Variants in ARHGAP17 observed in about 807,000 individuals in gnomAD.
ARHGAP17 encodes rho GTPase-activating protein 17.
Under a neutral mutation model 99.5 loss-of-function variants are expected in ARHGAP17, and 57 were observed. That is an observed-to-expected ratio of 0.57 (90% CI 0.46 to 0.71). The LOEUF (loss-of-function observed/expected upper bound fraction) is 0.71, where lower values mean the gene tolerates loss of function less well. Ranked by LOEUF, ARHGAP17 falls within the 30% of genes least tolerant of loss-of-function variation. ARHGAP17 has a pLI of 0.00. For synonymous variants in ARHGAP17, 417 were observed against 429.6 expected (o/e 0.97, Z 0.36); for missense variants, 1,000 against 1,122.4 (o/e 0.89, Z 1.56).
chr16:24,922,539 C>G (rs1433701705), intron 19 of ARHGAP17, among the ~76,000 whole-genome samples: 1 of 152,136 alleles, frequency 6.6e-6, no homozygotes, highest in Admixed American at 6.5e-5. Context: ...GTTTCCCCAG[C>G]CCCTCTCTAT....
chr16:24,927,605 G>A, intron 19 of ARHGAP17: 1 of 723,330 alleles, frequency 1.4e-6, no homozygotes, highest in Middle Eastern at 3.1e-4. Flanking sequence ...AGGGTGGCCA[G>A]TTAGTAACAG....
chr16:25,011,019 AT>A (rs567054149), intron 1 of ARHGAP17, among the ~76,000 whole-genome samples: 1 of 152,142 alleles, frequency 6.6e-6, no homozygotes, highest in East Asian at 1.9e-4. Context: ...TGTCTCTCAA[AT>A]TTTTTTTCTC....
chr16:24,976,022 AC>A (rs11355433), intron 3 of ARHGAP17, among the ~76,000 whole-genome samples: 14,231 of 152,150 alleles, frequency 0.094, 755 homozygotes, highest in Middle Eastern at 0.2. Context: ...TAGGAGTAGG[AC>A]CACAGCCCAT....
intron 7 of ARHGAP17, 24 bp from the exon 8 acceptor site, chr16:24,960,003 T>C: frequency 6.2e-7 from 1 of 1,609,946 alleles, no homozygotes; most frequent in Non-Finnish European, 8.5e-7. Context: ...AGATAAGAGG[T>C]TATTGAAGAA....
intron 19 of ARHGAP17, chr16:24,929,510 C>G: frequency 1.2e-5 from 10 of 836,300 alleles, no homozygotes; most frequent in African/African-American, 1.9e-5. Context: ...AACGGCTGCT[C>G]CTGAGCACAT....
Position 24,942,091 on chromosome 16 carries a change from A to G in ARHGAP17, c.1386T>C (p.Ser462=). 1.3e-6 allele frequency: 2 copies of G among 1,523,164 alleles called. No individual in the cohort carries two copies. Among genetic ancestry groups the G allele is most frequent in the African/African-American group, 1.4e-5 (1 of 71,812 alleles). 94.4% of individuals were successfully genotyped at this position (1,523,164 alleles called of 1,614,324 possible). Residue 462 remains serine, a synonymous_variant, in exon 16 of 20, where the codon TCT becomes TCC. Transcript: ENST00000289968. The part of the protein sequence containing the change: ...EAFVPLTTPS[S]NHSFHTGNDS... ...CGTTTCCAGTGTGGAATGAGTGATT[A>G]GAACTCGGGGTGGTGAGAGGTACAA...
chr16:24,997,089 G>A (rs2053214715), intron 1 of ARHGAP17, among the ~76,000 whole-genome samples: 1 of 152,196 alleles, frequency 6.6e-6, no homozygotes, highest in African/African-American at 2.4e-5. Flanking sequence ...AGCGCAAGGT[G>A]CCCAGTACAC....
In ARHGAP17 at chr16:24,959,770, T is replaced by A; in HGVS notation, c.643-18A>T. Reference sequence around the variant, plus strand: ...TCTAATAACTGAGAACAGACCCACATTCAAAAACAAAAGTAACGTTAGCAT... The same window carrying A: ...TCTAATAACTGAGAACAGACCCACAATCAAAAACAAAAGTAACGTTAGCAT... On this transcript the variant is annotated intron_variant, in intron 8 of 19. Transcript: ENST00000289968. 6.2e-7 allele frequency: 1 copy of A among 1,613,100 alleles called. No homozygotes were observed. The highest frequency in any genetic ancestry group is 8.5e-7 in the Non-Finnish European group (1 of 1,179,458).
At chr16:24,992,987 G>A (rs1277411761) in intron 1 of ARHGAP17, among the ~76,000 whole-genome samples, 2 of 151,998 alleles carry the variant, frequency 1.3e-5, no homozygotes, top group Non-Finnish European at 2.9e-5. Context: ...TTTTTGTACA[G>A]ACAGGTTCTC....
chr16:25,006,862 G>C (rs1156813831), intron 1 of ARHGAP17, among the ~76,000 whole-genome samples: 3 of 152,196 alleles, frequency 2.0e-5, no homozygotes, highest in Non-Finnish European at 4.4e-5. Context: ...TTTCAAGAGA[G>C]AGATGATAGC....
At chr16:24,965,428 A>G (rs2052149588) in intron 6 of ARHGAP17, among the ~76,000 whole-genome samples, 1 of 152,228 alleles carries the variant, frequency 6.6e-6, no homozygotes, top group Non-Finnish European at 1.5e-5. Flanking sequence ...CCAGACCAAG[A>G]TCGCAACGCC....
chr16:24,978,836 C>G (rs577676311), intron 2 of ARHGAP17, 130 bp downstream of exon 2: 1 of 674,996 alleles, frequency 1.5e-6, no homozygotes, highest in East Asian at 3.6e-5. Flanking sequence ...TGCTCAAAAT[C>G]ACACTAATTA....
At chr16:24,971,800 T>C (rs1597432319) in intron 3 of ARHGAP17, among the ~76,000 whole-genome samples, 1 of 152,174 alleles carries the variant, frequency 6.6e-6, no homozygotes, top group East Asian at 1.9e-4. Flanking sequence ...TGATCTAATG[T>C]TATAATCATA....
chr16:24,932,196 C>T (rs1597365547), intron 18 of ARHGAP17, among the ~76,000 whole-genome samples: 1 of 151,924 alleles, frequency 6.6e-6, no homozygotes, highest in African/African-American at 2.4e-5. Context: ...TCATGTAACA[C>T]ATTAACAACA....
chr16:25,014,980 C>T (rs981655158), intron 1 of ARHGAP17, among the ~76,000 whole-genome samples: 18 of 151,592 alleles, frequency 1.2e-4, no homozygotes, highest in African/African-American at 3.9e-4. Flanking sequence ...GGCGGCCCTC[C>T]CCTGCAGGTC....
chr16:24,931,526 A>T (rs888227631), intron 18 of ARHGAP17, 122 bp from the exon 19 acceptor site: 19 of 1,014,718 alleles, frequency 1.9e-5, no homozygotes, highest in Non-Finnish European at 2.5e-5. Context: ...ACCTCTGATG[A>T]GAGGTGGTCA....
chr16:24,946,898 T>C (rs1468966229), intron 14 of ARHGAP17, among the ~76,000 whole-genome samples: 1 of 152,248 alleles, frequency 6.6e-6, no homozygotes, highest in Admixed American at 6.5e-5. Context: ...GGATCTTCCT[T>C]TTCCTATGGG....
Position 24,931,388 on chromosome 16 carries a change from A to G in ARHGAP17, c.1911T>C (p.Ala637=), listed in dbSNP as rs781432605. Residue 637 remains alanine, a synonymous_variant, in exon 19 of 20, where the codon GCT becomes GCC. Coordinates refer to ENST00000289968, the MANE Select transcript of ARHGAP17 (RefSeq NM_001006634.3). The part of the protein sequence containing the change: ...HTLRRAVKKP[A]PAPPKPGNPP... ...GGTTGCCCGGTTTCGGGGGTGCTGG[A>G]GCGGGTTTTTTAACAGCTGCACAAA... 8.0e-6 allele frequency: 12 copies of G among 1,508,918 alleles called. No homozygotes were observed. In the African/African-American group the frequency reaches 1.4e-4, roughly 18 times the overall value. 93.5% of individuals were successfully genotyped at this position (1,508,918 alleles called of 1,614,324 possible).
intron 3 of ARHGAP17, among the ~76,000 whole-genome samples, chr16:24,973,378 G>GC (rs1402968481): frequency 6.6e-6 from 1 of 152,072 alleles, no homozygotes; most frequent in East Asian, 1.9e-4. Context: ...GTTTTCTAGA[G>GC]CCCTGGAGAC....
Sources: gnomAD v4.1 joint callset for allele counts (sites outside exome capture counted in the v4.1 genomes callset) on GRCh38, gnomAD v4.1.1 for gene constraint, MANE v1.5 for transcripts, NCBI Gene and HGNC (gene_info 2026-07-23, HGNC 2026-07-21) for gene names.